CREB5: variants seen among roughly 807,000 people sequenced by gnomAD.
CREB5 encodes cyclic AMP-responsive element-binding protein 5.
CREB5 carries 19 observed loss-of-function variants against 57.1 expected under a neutral mutation model. The observed-to-expected ratio is 0.33, with a 90% CI of 0.23 to 0.49. CREB5 has a LOEUF of 0.49. Among genes scored for constraint, CREB5 ranks in the 20% least tolerant of loss-of-function variants. The probability of loss-of-function intolerance (pLI) is 0.99; values close to 1 mark genes in which losing one functional copy is unlikely to be tolerated. For missense variants in CREB5, 579 were observed against 671.6 expected, an observed-to-expected ratio of 0.86 and a Z score of 1.52; for synonymous variants, 238 against 238.3, an observed-to-expected ratio of 1.00 and a Z score of 0.01.
intron 5 of CREB5, among the ~76,000 whole-genome samples, chr7:28,646,194 T>G (rs756505693): frequency 2.0e-5 from 3 of 152,194 alleles, no homozygotes; most frequent in Admixed American, 6.5e-5. Context: ...TCTGTTTCTC[T>G]GGAGAACCCT....
At chr7:28,466,920 A>C (rs1029242594) in intron 1 of CREB5, among the ~76,000 whole-genome samples, 1 of 152,230 alleles carries the variant, frequency 6.6e-6, no homozygotes, top group Non-Finnish European at 1.5e-5. Flanking sequence ...GCACACTTGA[A>C]GGGGTAATCA....
intron 8 of CREB5, 33 bp from the exon 9 acceptor site, chr7:28,809,154 T>G (rs1427415578): frequency 6.3e-7 from 1 of 1,577,670 alleles, no homozygotes; most frequent in Non-Finnish European, 8.6e-7. Context: ...TCCTTCCCTA[T>G]CCCCATCACC....
At chr7:28,516,933 G>C (rs1348355212) in intron 4 of CREB5, among the ~76,000 whole-genome samples, 1 of 152,192 alleles carries the variant, frequency 6.6e-6, no homozygotes, top group Admixed American at 6.5e-5. Context: ...CACAGAGTGG[G>C]GTGTGTACCT....
chr7:28,456,150 T>A (rs1414044596), intron 1 of CREB5, among the ~76,000 whole-genome samples: 1 of 152,172 alleles, frequency 6.6e-6, no homozygotes, highest in African/African-American at 2.4e-5. Flanking sequence ...TTAATTTTCC[T>A]AAGCCATAGC....
At chr7:28,586,045 T>C (rs1796294844) in intron 5 of CREB5, among the ~76,000 whole-genome samples, 1 of 152,338 alleles carries the variant, frequency 6.6e-6, no homozygotes, top group Admixed American at 6.5e-5. Flanking sequence ...CTGGGTTTTC[T>C]GTTTCTCAAG....
At chr7:28,338,310 C>G (rs761815067) in intron 1 of CREB5, among the ~76,000 whole-genome samples, 42 of 152,108 alleles carry the variant, frequency 2.8e-4, no homozygotes, top group Non-Finnish European at 4.6e-4. Context: ...TTGGCCTGAT[C>G]TGATGAAATC....
intron 3 of CREB5, among the ~76,000 whole-genome samples, chr7:28,496,708 T>G (rs1325868094): frequency 6.6e-6 from 1 of 152,170 alleles, no homozygotes; most frequent in Non-Finnish European, 1.5e-5. Context: ...AGTGCCAATG[T>G]GCTCTGGCTT....
chr7:28,495,051 G>GAGA, intron 3 of CREB5, 52 bp downstream of exon 3: 1 of 1,274,102 alleles, frequency 7.8e-7, no homozygotes, highest in Non-Finnish European at 1.1e-6. Flanking sequence ...TGTTCCATGC[G>GAGA]AGATACTTGT....
chr7:28,337,118 G>A (rs1352050921), intron 1 of CREB5, among the ~76,000 whole-genome samples: 1 of 152,030 alleles, frequency 6.6e-6, no homozygotes, highest in Non-Finnish European at 1.5e-5. Context: ...CCTAACATAT[G>A]GTCTAGCCTC....
At chr7:28,492,307 T>A (rs1791840678) in intron 2 of CREB5, among the ~76,000 whole-genome samples, 1 of 152,190 alleles carries the variant, frequency 6.6e-6, no homozygotes, top group Admixed American at 6.5e-5. Context: ...CGTGGGAGAT[T>A]TTTTATGTTA....
intron 4 of CREB5, among the ~76,000 whole-genome samples, chr7:28,543,365 AT>A (rs1794284487): frequency 6.6e-6 from 1 of 152,188 alleles, no homozygotes; most frequent in Admixed American, 6.5e-5. Context: ...TCCACAAAAA[AT>A]ATTATGCATT....
rs149299834 is a variant in CREB5 at position 28,474,068 on chromosome 7, C to T, written c.4-14107C>T. Among the ~76,000 whole-genome samples the T allele has an allele frequency of 6.8e-3, 1,034 of 152,256 alleles. 11 individuals carry two copies. The highest frequency in any genetic ancestry group is 0.024 in the African/African-American group (979 of 41,534). On this transcript the variant is annotated intron_variant, in intron 1 of 10. Coordinates refer to ENST00000357727, the MANE Select transcript of CREB5 (RefSeq NM_182898.4). ...TTCAGAGGGCATCCAGTGCTGATAC[C>T]GAGCAAATTCTCTCCCTCTGAGAAG...
rs1809839233 is a variant in CREB5, at chr7:28,822,567, T to C, written c.*3288T>C. 1 of 152,678 alleles carries C rather than the reference T, an allele frequency of 6.5e-6. No homozygotes were observed. The highest frequency in any genetic ancestry group is 6.5e-5 in the Admixed American group (1 of 15,280). 9.5% of individuals were successfully genotyped at this position (152,678 alleles called of 1,614,324 possible). A position where few individuals can be genotyped will look rare whatever the true frequency, so the allele number is the denominator to read the frequency against. ...GCCTCTCCCCATTCGTGTGTGGTTT[T>C]CTTGATCGGTGAGATCTGTCTCTGA... is the stretch of plus-strand genomic sequence containing the variant. On this transcript the variant is annotated 3_prime_UTR_variant, in exon 11 of 11. Coordinates refer to ENST00000357727, the MANE Select transcript of CREB5 (RefSeq NM_182898.4).
chr7:28,401,456 C>G (rs189964759), intron 1 of CREB5, among the ~76,000 whole-genome samples: 1 of 151,532 alleles, frequency 6.6e-6, no homozygotes, highest in African/African-American at 2.4e-5. Context: ...GGTACAGGTA[C>G]GCAACGTACA....
chr7:28,371,281 C>G (rs1348919504), intron 1 of CREB5, among the ~76,000 whole-genome samples: 1 of 151,636 alleles, frequency 6.6e-6, no homozygotes, highest in Non-Finnish European at 1.5e-5. Context: ...CCATCATGGC[C>G]AACATGGTGA....
chr7:28,461,890 A>G (rs1455657883), intron 1 of CREB5, among the ~76,000 whole-genome samples: 3 of 152,272 alleles, frequency 2.0e-5, no homozygotes, highest in African/African-American at 7.2e-5. Flanking sequence ...ATATAAATAT[A>G]TATGTCAGCT....
At chr7:28,711,875 TA>T (rs2128743327) in intron 5 of CREB5, among the ~76,000 whole-genome samples, 1 of 152,356 alleles carries the variant, frequency 6.6e-6, no homozygotes, top group African/African-American at 2.4e-5. Context: ...GAGCAAGCCA[TA>T]ATTTTTTATT....
chr7:28,709,311 A>T (rs1802284604), intron 5 of CREB5, among the ~76,000 whole-genome samples: 1 of 152,176 alleles, frequency 6.6e-6, no homozygotes, highest in Non-Finnish European at 1.5e-5. Flanking sequence ...TAAGGAAAAA[A>T]AAATCAGATT....
At chr7:28,345,799 C>T (rs1383817472) in intron 1 of CREB5, among the ~76,000 whole-genome samples, 3 of 152,152 alleles carry the variant, frequency 2.0e-5, no homozygotes, top group African/African-American at 4.8e-5. Context: ...CAGCTATCAT[C>T]CAGGGACTTG....
Sources: allele counts gnomAD v4.1 joint callset (sites outside exome capture counted in the v4.1 genomes callset), GRCh38; gene constraint gnomAD v4.1.1; transcripts MANE v1.5; gene names NCBI Gene and HGNC (gene_info 2026-07-23, HGNC 2026-07-21).